ENPP1: variants seen among roughly 807,000 people sequenced by gnomAD.
The protein encoded by ENPP1 is ectonucleotide pyrophosphatase/phosphodiesterase 1.
ENPP1 carries 73 observed loss-of-function variants against 122.8 expected under a neutral mutation model. The ratio of observed to expected loss-of-function variants is 0.59; its 90% CI spans 0.49 to 0.72. The LOEUF (loss-of-function observed/expected upper bound fraction) is 0.72, where lower values mean the gene tolerates loss of function less well. ENPP1 is among the 30% of genes least tolerant of loss of function. The pLI, the probability that ENPP1 is intolerant of heterozygous loss-of-function variation, is 0.00. For missense variants in ENPP1, 978 were observed against 1,128.1 expected (o/e 0.87, Z 1.91); for synonymous variants, 367 against 391.6 (o/e 0.94, Z 0.74).
At chr6:131,811,388 C>CTATATCTATATCTATATCTA (rs1441797946) in intron 1 of ENPP1, among the ~76,000 whole-genome samples, 35 of 132,968 alleles carry the variant, frequency 2.6e-4, no homozygotes, top group African/African-American at 1.2e-3. Context: ...ATATCTATAT[C>CTATATCTATATCTATATCTA]TATATCTATA....
Position 131,882,492 on chromosome 6 carries a change from C to G in ENPP1, c.2230+18C>G. On this transcript the variant is annotated intron_variant, in intron 21 of 24. Coordinates refer to ENST00000647893, the MANE Select transcript of ENPP1 (RefSeq NM_006208.3). ...CCCACCACGTAAGTTTTTTCCTCTC[C>G]TGACCTTCCCTTTTCTCCTTTTTGT... The G allele has an allele frequency of 1.3e-6, 2 of 1,586,042 alleles. No homozygotes were observed. Among genetic ancestry groups the G allele is most frequent in the Non-Finnish European group, 8.6e-7 (1 of 1,160,876 alleles).
At chr6:131,877,866 A>AAAAAAAAAAAAAAAAAAAAAAAAAT (rs1562183349) in intron 18 of ENPP1, 1 of 53,022 alleles carries the variant, frequency 1.9e-5, no homozygotes, top group African/African-American at 9.3e-5. Context: ...AAAAAAAAAA[A>AAAAAAAAAAAAAAAAAAAAAAAAAT]ATATATATAT....
chr6:131,883,822 C>A, intron 22 of ENPP1, 48 bp downstream of exon 22: 1 of 925,614 alleles, frequency 1.1e-6, no homozygotes, highest in Non-Finnish European at 1.8e-6. Flanking sequence ...AATTTGTGCA[C>A]ATATAGGCAT....
intron 1 of ENPP1, among the ~76,000 whole-genome samples, chr6:131,844,945 C>G (rs902119875): frequency 6.6e-6 from 1 of 151,216 alleles, no homozygotes; most frequent in African/African-American, 2.4e-5. Flanking sequence ...AATATTCTCA[C>G]TCTGTATTGT....
At chr6:131,837,794 A>T (rs1490410606) in intron 1 of ENPP1, among the ~76,000 whole-genome samples, 1 of 152,200 alleles carries the variant, frequency 6.6e-6, no homozygotes, top group African/African-American at 2.4e-5. Flanking sequence ...CAATTATCAT[A>T]GTAGATGTTC....
intron 24 of ENPP1, among the ~76,000 whole-genome samples, chr6:131,889,220 TA>T (rs1209046587): frequency 1.3e-5 from 2 of 152,306 alleles, no homozygotes; most frequent in East Asian, 3.9e-4. Context: ...CAGCCTCTTT[TA>T]AAAAAATTTT....
intron 1 of ENPP1, among the ~76,000 whole-genome samples, chr6:131,832,104 TGTAA>T (rs1409049328): frequency 6.6e-6 from 1 of 152,202 alleles, no homozygotes; most frequent in Non-Finnish European, 1.5e-5. Flanking sequence ...TGTGTGTGTT[TGTAA>T]GTGTTTAGCA....
At chr6:131,813,529 CA>C (rs112662261) in intron 1 of ENPP1, among the ~76,000 whole-genome samples, 5,265 of 128,606 alleles carry the variant, frequency 0.041, 262 homozygotes, top group African/African-American at 0.14. Flanking sequence ...GACTCTGTCT[CA>C]AAAAAAAAAA....
intron 1 of ENPP1, chr6:131,827,797 G>C: frequency 1.1e-6 from 1 of 935,048 alleles, no homozygotes; most frequent in Non-Finnish European, 1.7e-6. Flanking sequence ...CTGCAGGTGG[G>C]GCAATGACTG....
intron 17 of ENPP1, among the ~76,000 whole-genome samples, chr6:131,876,215 A>G (rs1782229090): frequency 6.6e-6 from 1 of 152,224 alleles, no homozygotes; most frequent in Non-Finnish European, 1.5e-5. Flanking sequence ...TGAAAGGTGG[A>G]CAAAACTTTT....
Position 131,817,851 on chromosome 6 carries a change from AG to A in ENPP1, c.240+9578del, listed in dbSNP as rs775152777. ...AATATGCATAAGAAAATCATTTTGG[AG>A]GAAGTAAATTGTCACAGCGAATTGT... On this transcript the variant is annotated intron_variant, in intron 1 of 24. Transcript: ENST00000647893. 1.0e-3 allele frequency among the ~76,000 whole-genome samples: 152 copies of A among 152,010 alleles called. 1 individual carries two copies. The highest frequency in any genetic ancestry group is 4.3e-3 in the Admixed American group (65 of 15,272).
chr6:131,850,934 T>C (rs533378896), intron 3 of ENPP1, among the ~76,000 whole-genome samples: 9 of 152,194 alleles, frequency 5.9e-5, no homozygotes, highest in Non-Finnish European at 1.2e-4. Flanking sequence ...TTCTGGACTT[T>C]TAGTGAAATA....
chr6:131,836,496 G>T (rs1023667788), intron 1 of ENPP1, among the ~76,000 whole-genome samples: 3 of 151,822 alleles, frequency 2.0e-5, no homozygotes, highest in Non-Finnish European at 4.4e-5. Context: ...AAATCTTATT[G>T]TTCTCTTTAT....
intron 16 of ENPP1, 129 bp downstream of exon 16, chr6:131,874,466 T>A: frequency 3.1e-6 from 2 of 639,856 alleles, no homozygotes; most frequent in Non-Finnish European, 5.5e-6. Flanking sequence ...TTCATAAAGC[T>A]ATTTTTCTTT....
At chr6:131,880,664 A>G (rs949957133) in intron 20 of ENPP1, among the ~76,000 whole-genome samples, 1 of 152,202 alleles carries the variant, frequency 6.6e-6, no homozygotes, top group Non-Finnish European at 1.5e-5. Context: ...GCATGAAATC[A>G]GCCTTAGGAT....
chr6:131,869,327 A>G (rs111426443), intron 12 of ENPP1, 31 bp from the exon 13 acceptor site: 2 of 1,610,588 alleles, frequency 1.2e-6, no homozygotes, highest in South Asian at 1.1e-5. Flanking sequence ...TTAAAGTTAC[A>G]GCATGTTTTG....
intron 1 of ENPP1, 118 bp downstream of exon 1, chr6:131,808,393 G>A (rs1781308385): frequency 3.2e-6 from 4 of 1,259,892 alleles, no homozygotes; most frequent in South Asian, 2.3e-5. Flanking sequence ...CATGGTCCGG[G>A]AGTGCTTCTT....
intron 1 of ENPP1, among the ~76,000 whole-genome samples, chr6:131,834,439 G>A (rs548645185): frequency 6.6e-6 from 1 of 151,982 alleles, no homozygotes; most frequent in African/African-American, 2.4e-5. Context: ...CTGGGCTGGT[G>A]TTACAGGAGC....
chr6:131,880,575 AAAAG>A (rs374878638), intron 20 of ENPP1, among the ~76,000 whole-genome samples: 41 of 151,706 alleles, frequency 2.7e-4, no homozygotes, highest in African/African-American at 6.3e-4. Context: ...TCAAAAAAAA[AAAAG>A]AAAGAAAGAA....
Sources: gnomAD v4.1 joint callset for allele counts (sites outside exome capture counted in the v4.1 genomes callset) on GRCh38, gnomAD v4.1.1 for gene constraint, MANE v1.5 for transcripts, NCBI Gene and HGNC (gene_info 2026-07-23, HGNC 2026-07-21) for gene names.